MAMLD1: variants seen among roughly 807,000 people sequenced by gnomAD.
MAMLD1 encodes mastermind like domain containing 1, also known as mastermind-like domain-containing protein 1.
In MAMLD1, 14 loss-of-function variants were observed where a neutral mutation model predicts 45.0. The observed-to-expected ratio is 0.31, with a 90% confidence interval of 0.21 to 0.49. MAMLD1 has a LOEUF of 0.49. MAMLD1 is among the 20% of genes least tolerant of loss of function. The pLI is 0.99. For synonymous variants in MAMLD1, 254 were observed against 247.8 expected, an observed-to-expected ratio of 1.02 and a Z score of -0.24; for missense variants, 543 against 603.6, an observed-to-expected ratio of 0.90 and a Z score of 1.05.
chrX:150,469,667 G>C, intron 3 of MAMLD1, 78 bp from the exon 4 acceptor site: 1 of 645,444 alleles, frequency 1.5e-6, no homozygotes, highest in South Asian at 2.3e-5. Flanking sequence ...GTGTGTGTGT[G>C]TGTGTGTGTG....
chrX:150,440,670 T>A (rs1043977390), intron 1 of MAMLD1, among the ~76,000 whole-genome samples: 2 of 109,033 alleles, frequency 1.8e-5, no homozygotes, highest in Non-Finnish European at 3.8e-5. Flanking sequence ...ATCCTTTTCA[T>A]GTCTGCAGTC....
chrX:150,443,711 G>C (rs2035399121), intron 1 of MAMLD1, among the ~76,000 whole-genome samples: 1 of 109,174 alleles, frequency 9.2e-6, no homozygotes, highest in Admixed American at 9.8e-5. Context: ...ATTTCCATTT[G>C]GTTCTTTTTT....
chrX:150,492,340 G>A (rs984507796), intron 5 of MAMLD1, among the ~76,000 whole-genome samples: 3 of 112,674 alleles, frequency 2.7e-5, no homozygotes, highest in African/African-American at 9.7e-5. Flanking sequence ...AGAAATACAC[G>A]GTACCCTTTT....
intron 1 of MAMLD1, among the ~76,000 whole-genome samples, chrX:150,406,131 A>G (rs2033988726): frequency 9.0e-6 from 1 of 111,302 alleles, no homozygotes; most frequent in Non-Finnish European, 1.9e-5. Context: ...GTTGATCTTT[A>G]CTGAGTTCTC....
At chrX:150,433,244 T>C (rs2035013102) in intron 1 of MAMLD1, among the ~76,000 whole-genome samples, 1 of 112,321 alleles carries the variant, frequency 8.9e-6, no homozygotes, top group Non-Finnish European at 1.9e-5. Context: ...ATGCTACTGA[T>C]TTTTGAACAT....
chrX:150,409,265 C>G (rs1375047074), intron 1 of MAMLD1, among the ~76,000 whole-genome samples: 3 of 111,811 alleles, frequency 2.7e-5, no homozygotes, highest in African/African-American at 6.5e-5. Flanking sequence ...TAGTCAGCAT[C>G]ATTGTGCTCC....
At chrX:150,425,201 A>C (rs2034663612) in intron 1 of MAMLD1, among the ~76,000 whole-genome samples, 1 of 111,790 alleles carries the variant, frequency 8.9e-6, no homozygotes, top group African/African-American at 3.3e-5. Flanking sequence ...GTTTCTATGA[A>C]CATTCCTGTT....
chrX:150,442,720 T>A (rs2035356920), intron 1 of MAMLD1, among the ~76,000 whole-genome samples: 1 of 112,145 alleles, frequency 8.9e-6, no homozygotes, highest in African/African-American at 3.2e-5. Flanking sequence ...CCATTATATT[T>A]ACCCATAATT....
Position 150,512,675 on chromosome X carries a change from T to A in MAMLD1, c.*716T>A. On this transcript the variant is annotated 3_prime_UTR_variant, in exon 8 of 8. Coordinates refer to ENST00000370401, the MANE Select transcript of MAMLD1 (RefSeq NM_005491.5). ...GGTGCCTGTAGCAAACACCACCAAG[T>A]TCCTCCAGCAGGGTATGGCCAGCTT... 2 of 1,150,352 alleles carry A rather than the reference T, an allele frequency of 1.7e-6. No homozygotes were observed. The highest frequency in any genetic ancestry group is 2.3e-6 in the Non-Finnish European group (2 of 869,346). 94.8% of individuals were successfully genotyped at this position (1,150,352 alleles called of 1,213,427 possible).
intron 1 of MAMLD1, among the ~76,000 whole-genome samples, chrX:150,403,972 G>GAAAGA (rs1201312095): frequency 1.1e-5 from 1 of 89,556 alleles, no homozygotes; most frequent in East Asian, 3.1e-4. Context: ...AAGAAAGAAA[G>GAAAGA]AAAGAAAGAA....
At chrX:150,481,964 A>AAAAG (rs57124938) in intron 5 of MAMLD1, among the ~76,000 whole-genome samples, 6,371 of 56,355 alleles carry the variant, frequency 0.11, 719 homozygotes, top group East Asian at 0.13. Flanking sequence ...AAAGAAAGAA[A>AAAAG]AAAGAAAGAA....
chrX:150,428,844 C>T (rs2034810362), intron 1 of MAMLD1, among the ~76,000 whole-genome samples: 1 of 111,763 alleles, frequency 8.9e-6, no homozygotes, highest in Non-Finnish European at 1.9e-5. Context: ...AGCTACTGCA[C>T]ACCAGAGAAT....
intron 1 of MAMLD1, among the ~76,000 whole-genome samples, chrX:150,416,190 G>A (rs2124541447): frequency 9.0e-6 from 1 of 111,642 alleles, no homozygotes; most frequent in African/African-American, 3.3e-5. Context: ...TGTTCACCCT[G>A]ATATGAGCTC....
At chrX:150,434,267 T>A (rs1429449223) in intron 1 of MAMLD1, among the ~76,000 whole-genome samples, 1 of 111,447 alleles carries the variant, frequency 9.0e-6, no homozygotes, top group Non-Finnish European at 1.9e-5. Context: ...TGTCATTTTT[T>A]ATTATATTTA....
rs1192390095 is a variant in MAMLD1 at position 150,513,919 on chromosome X, G to A, written c.*1960G>A. ...GATGTAAGGCTCTGTGGTTTGGGGGGGAACATCTGTAAACATTATTAGTTG... is the reference window on the plus strand; with the variant it reads ...GATGTAAGGCTCTGTGGTTTGGGGGAGAACATCTGTAAACATTATTAGTTG... On this transcript the variant is annotated 3_prime_UTR_variant, in exon 8 of 8. Transcript: ENST00000370401. The A allele has an allele frequency of 6.8e-6, 2 of 295,669 alleles. No individual in the cohort carries two copies. The highest frequency in any genetic ancestry group is 4.8e-5 in the East Asian group (1 of 20,998). The allele number at this position is 295,669 out of a possible 1,213,427, so 24.4% of individuals were successfully genotyped here.
intron 1 of MAMLD1, among the ~76,000 whole-genome samples, chrX:150,423,131 T>C (rs1382729982): frequency 1.8e-5 from 2 of 112,041 alleles, no homozygotes; most frequent in Non-Finnish European, 3.8e-5. Flanking sequence ...CAAACCTTTG[T>C]TGGGCCAGCT....
chrX:150,503,218 A>C, intron 5 of MAMLD1, 56 bp from the exon 6 acceptor site: 1 of 1,049,794 alleles, frequency 9.5e-7, no homozygotes, highest in Non-Finnish European at 1.3e-6. Context: ...TGACAAGATC[A>C]GTCAGAACCA....
intron 1 of MAMLD1, among the ~76,000 whole-genome samples, chrX:150,417,901 T>C (rs1557403179): frequency 9.0e-6 from 1 of 111,628 alleles, no homozygotes; most frequent in African/African-American, 3.2e-5. Context: ...TTGTAGATTC[T>C]GGATATTAGC....
intron 1 of MAMLD1, among the ~76,000 whole-genome samples, chrX:150,377,813 A>ACC (rs2032399762): frequency 1.8e-5 from 1 of 55,199 alleles, no homozygotes; most frequent in Admixed American, 2.6e-4. Context: ...TATATCTACC[A>ACC]CCCCCTCACA....
Sources: allele counts gnomAD v4.1 joint callset (sites outside exome capture counted in the v4.1 genomes callset), GRCh38; gene constraint gnomAD v4.1.1; transcripts MANE v1.5; gene names NCBI Gene and HGNC (gene_info 2026-07-23, HGNC 2026-07-21).